The following XRCC5 variants were observed in gnomAD, a reference collection of about 807,000 sequenced individuals.
XRCC5 encodes DNA repair protein Ku80.
Under a neutral mutation model 95.7 loss-of-function variants are expected in XRCC5, and 12 were observed. The observed-to-expected ratio is 0.13, with a 90% confidence interval of 0.08 to 0.20. XRCC5 has a LOEUF of 0.20. Among genes scored for constraint, XRCC5 ranks in the 10% least tolerant of loss-of-function variants. XRCC5 has a pLI of 1.00. For synonymous variants in XRCC5, 281 were observed against 290.3 expected, an observed-to-expected ratio of 0.97 and a Z score of 0.33; for missense variants, 595 against 873.9, an observed-to-expected ratio of 0.68 and a Z score of 4.02.
chr2:216,203,158 A>AT (rs1689872241), intron 19 of XRCC5, among the ~76,000 whole-genome samples: 2 of 152,158 alleles, frequency 1.3e-5, no homozygotes, highest in African/African-American at 4.8e-5. Flanking sequence ...ACAGGAGAGC[A>AT]TAAGTGGGCT....
chr2:216,131,206 T>C, intron 9 of XRCC5: 1 of 985,362 alleles, frequency 1.0e-6, no homozygotes, highest in Non-Finnish European at 1.2e-6. Context: ...AAACTAAAAA[T>C]ACAGGATGGT....
chr2:216,205,183 C>G lies in XRCC5; in HGVS notation c.2185-5C>G. The G allele has an allele frequency of 6.2e-7, 1 of 1,613,798 alleles. No individual in the cohort carries two copies. Among genetic ancestry groups the G allele is most frequent in the Non-Finnish European group, 8.5e-7 (1 of 1,179,788 alleles). ...CCTTTCTAAGTGTGTTGTTCTTGTTCACAGTTGGACATGATATAGGTCGTG... is the reference window on the plus strand; with the variant it reads ...CCTTTCTAAGTGTGTTGTTCTTGTTGACAGTTGGACATGATATAGGTCGTG... On this transcript the variant is annotated splice_polypyrimidine_tract_variant and splice_region_variant and intron_variant, in intron 20 of 20. Coordinates refer to ENST00000392132, the MANE Select transcript of XRCC5 (RefSeq NM_021141.4).
chr2:216,128,419 T>C lies in XRCC5; in HGVS notation c.937+745T>C, dbSNP rs1696929659. On this transcript the variant is annotated intron_variant, in intron 8 of 20. Transcript: ENST00000392132. ...ATCTTACAGTGTATATATTTGTGTG[T>C]GTTGGAGGAGGGGGTTGTTTAAAGG... Among the ~76,000 whole-genome samples the C allele has an allele frequency of 7.2e-5, 11 of 152,288 alleles. No individual in the cohort carries two copies. In the South Asian group the frequency reaches 2.3e-3, roughly 32 times the overall value.
chr2:216,141,616 T>C (rs2098552), intron 13 of XRCC5, among the ~76,000 whole-genome samples: 11,507 of 146,022 alleles, frequency 0.079, 1,517 homozygotes, highest in African/African-American at 0.27. Flanking sequence ...GCCAGTTGCC[T>C]ATGCTGGAGT....
intron 16 of XRCC5, chr2:216,175,712 C>T (rs2106036534): frequency 2.3e-6 from 1 of 434,588 alleles, no homozygotes; most frequent in East Asian, 5.9e-5. Context: ...TCTTTGGTTC[C>T]ACTCCACACC....
rs371802447 is a variant in XRCC5 at position 216,126,043 on chromosome 2, G to T, written c.798+12G>T. On this transcript the variant is annotated intron_variant, in intron 7 of 20. Transcript: ENST00000392132. ...CAGCCTATAAATCGGTAAGTGGCAG[G>T]TACACATTTTTAACAGAAATGTTAC... 1 of 1,597,950 alleles carries T rather than the reference G, an allele frequency of 6.3e-7. No homozygotes were observed. The highest frequency in any genetic ancestry group is 1.1e-5 in the South Asian group (1 of 90,656).
At chr2:216,157,382 C>T (rs1018876819) in intron 14 of XRCC5, among the ~76,000 whole-genome samples, 33 of 151,988 alleles carry the variant, frequency 2.2e-4, no homozygotes, top group African/African-American at 7.2e-4. Context: ...TACAGGTGCC[C>T]GCCACCATGC....
At chr2:216,175,248 T>C in intron 16 of XRCC5, 1 of 410,678 alleles carries the variant, frequency 2.4e-6, no homozygotes, top group Admixed American at 3.3e-5. Context: ...TATCCACCAT[T>C]ACACCCTCCA....
At chr2:216,156,791 A>T in intron 14 of XRCC5, 4 of 515,750 alleles carry the variant, frequency 7.8e-6, no homozygotes, top group South Asian at 5.7e-5. Flanking sequence ...GAGTAACCAC[A>T]CAATCCTGTC....
At chr2:216,156,820 G>C (rs1196542064) in intron 14 of XRCC5, 2 of 453,826 alleles carry the variant, frequency 4.4e-6, no homozygotes, top group African/African-American at 4.0e-5. Context: ...ATTTTTCAAG[G>C]TAACAGACAC....
chr2:216,124,018 T>C (rs1025515880), intron 6 of XRCC5, among the ~76,000 whole-genome samples: 5 of 152,266 alleles, frequency 3.3e-5, no homozygotes, highest in Admixed American at 6.5e-5. Context: ...CATGTGGCTA[T>C]TTAAATTCAA....
At chr2:216,182,117 C>T (rs529652375) in intron 16 of XRCC5, among the ~76,000 whole-genome samples, 1 of 152,142 alleles carries the variant, frequency 6.6e-6, no homozygotes, top group Non-Finnish European at 1.5e-5. Context: ...TGCTGCCTCC[C>T]CCTTGTCCAC....
At chr2:216,175,778 G>C (rs1689260738) in intron 16 of XRCC5, 1 of 449,406 alleles carries the variant, frequency 2.2e-6, no homozygotes. Flanking sequence ...CAACACAAGA[G>C]AAAGCCATAA....
At chr2:216,204,493 T>C in intron 20 of XRCC5, 97 bp downstream of exon 20, 1 of 1,381,666 alleles carries the variant, frequency 7.2e-7, no homozygotes, top group African/African-American at 1.4e-5. Flanking sequence ...TTGTTGCTTA[T>C]TTGTGTTTTA....
At chr2:216,186,385 CAAG>C (rs1218256057) in intron 16 of XRCC5, among the ~76,000 whole-genome samples, 1 of 152,170 alleles carries the variant, frequency 6.6e-6, no homozygotes, top group Non-Finnish European at 1.5e-5. Flanking sequence ...TCAGATTAAA[CAAG>C]AAAACTTCGC....
At position 216,116,557 on chromosome 2, in the gene XRCC5, T is replaced by TG. The variant is rs886510979; in HGVS notation, c.136-101dup. On this transcript the variant is annotated intron_variant, in intron 2 of 20. Coordinates refer to ENST00000392132, the MANE Select transcript of XRCC5 (RefSeq NM_021141.4). Reference sequence around the variant, plus strand: ...CCAATACTATATGGCCCCAGGGACCTGCCATAGGGAGGTCTGGTTGTCCTG... The same window carrying TG: ...CCAATACTATATGGCCCCAGGGACCTGGCCATAGGGAGGTCTGGTTGTCCTG... The TG allele has an allele frequency of 2.6e-5, 35 of 1,330,916 alleles. No individual in the cohort carries two copies. In the African/African-American group the frequency reaches 4.9e-4, roughly 19 times the overall value. 82.4% of individuals were successfully genotyped at this position (1,330,916 alleles called of 1,614,324 possible). A position where few individuals can be genotyped will look rare whatever the true frequency, so the allele number is the denominator to read the frequency against.
chr2:216,121,396 C>T (rs1696807504), intron 5 of XRCC5, among the ~76,000 whole-genome samples: 1 of 152,190 alleles, frequency 6.6e-6, no homozygotes, highest in Non-Finnish European at 1.5e-5. Context: ...GCCGGGAAGT[C>T]CAAGATCACA....
At chr2:216,127,704 TAA>T (rs1475671151) in intron 8 of XRCC5, 30 bp downstream of exon 8, 1 of 1,562,788 alleles carries the variant, frequency 6.4e-7, no homozygotes, top group East Asian at 2.3e-5. Flanking sequence ...CACTGTTGCC[TAA>T]AAGACATTTT....
intron 12 of XRCC5, 140 bp downstream of exon 12, chr2:216,138,319 A>G (rs1574461662): frequency 1.4e-6 from 1 of 729,560 alleles, no homozygotes; most frequent in Non-Finnish European, 2.3e-6. Context: ...TAGACACAGT[A>G]ATGATGAAGG....
Sources: gnomAD v4.1 joint callset for allele counts (sites outside exome capture counted in the v4.1 genomes callset) on GRCh38, gnomAD v4.1.1 for gene constraint, MANE v1.5 for transcripts, NCBI Gene and HGNC (gene_info 2026-07-23, HGNC 2026-07-21) for gene names.